PCDHGA1: variants seen among roughly 807,000 people sequenced by gnomAD.
The protein encoded by PCDHGA1 is protocadherin gamma-A1.
PCDHGA1 carries 32 observed loss-of-function variants against 58.0 expected under a neutral mutation model. The ratio of observed to expected loss-of-function variants is 0.55; its 90% CI spans 0.42 to 0.74. The LOEUF is 0.74. Among genes scored for constraint, PCDHGA1 ranks in the 30% least tolerant of loss-of-function variants. PCDHGA1 has a pLI of 0.00. For synonymous variants in PCDHGA1, 498 were observed against 501.1 expected (o/e 0.99, Z 0.08); for missense variants, 1,205 against 1,182.3 (o/e 1.02, Z -0.28).
intron 1 of PCDHGA1, chr5:141,394,133 G>T: frequency 6.2e-7 from 1 of 1,613,920 alleles, no homozygotes; most frequent in Non-Finnish European, 8.5e-7. Flanking sequence ...AAATCGCTCT[G>T]CACGTGGCAG....
In PCDHGA1 at chr5:141,489,684, T is replaced by C. The variant is rs2099690710; in HGVS notation, c.2422-5123T>C. 1.2e-6 allele frequency: 2 copies of C among 1,614,062 alleles called. No individual in the cohort carries two copies. The highest frequency in any genetic ancestry group is 8.5e-7 in the Non-Finnish European group (1 of 1,180,034). On this transcript the variant is annotated intron_variant, in intron 1 of 3. Coordinates refer to ENST00000517417, the MANE Select transcript of PCDHGA1 (RefSeq NM_018912.3). This position sits in a 1 kb window ranked among gnomAD's most constrained non-coding sequence, Gnocchi z 4.5. ...TGCGCATCTCAGAATCAGCAGCATCTGGGGCACGATTCCCACTGGACAGTG... is the reference window on the plus strand; with the variant it reads ...TGCGCATCTCAGAATCAGCAGCATCCGGGGCACGATTCCCACTGGACAGTG...
Position 141,360,974 on chromosome 5 carries a change from C to G in PCDHGA1, c.2421+27869C>G, listed in dbSNP as rs578154507. On this transcript the variant is annotated intron_variant, in intron 1 of 3. Transcript: ENST00000517417. The stretch of plus-strand genomic sequence containing the variant: ...GGCATAAACGCAGAGATCACCTACT[C>G]CTTTCATAATGTGGACGAACAAGTG... The G allele has an allele frequency of 2.5e-6, 4 of 1,613,822 alleles. No individual in the cohort carries two copies. The South Asian group carries it at 4.4e-5, about 18-fold the overall frequency.
chr5:141,503,222 G>C (rs540244346), intron 2 of PCDHGA1, among the ~76,000 whole-genome samples: 1 of 152,120 alleles, frequency 6.6e-6, no homozygotes, highest in Middle Eastern at 3.4e-3. Context: ...CATGAGCACC[G>C]TAAAGATGGA....
In PCDHGA1 at chr5:141,485,818, C is replaced by T; in HGVS notation, c.2422-8989C>T. 6 of 1,613,912 alleles carry T rather than the reference C, an allele frequency of 3.7e-6. No homozygotes were observed. The highest frequency in any genetic ancestry group is 5.1e-6 in the Non-Finnish European group (6 of 1,179,974). On this transcript the variant is annotated intron_variant, in intron 1 of 3. Transcript: ENST00000517417. This position sits in a 1 kb window ranked among gnomAD's most constrained non-coding sequence, Gnocchi z 5.7. ...ACTACCGCCTGGTGCTGACTGCTGTCGATGGAGGGAACCCGCCGAGATCTG... is the reference window on the plus strand; with the variant it reads ...ACTACCGCCTGGTGCTGACTGCTGTTGATGGAGGGAACCCGCCGAGATCTG...
chr5:141,487,013 C>T lies in PCDHGA1; in HGVS notation c.2422-7794C>T. ...GGTTTCCTATCAGCTCCTGGAGGCC[C>T]CAGATCCCAGCCTGTTTGCAGTCTC... On this transcript the variant is annotated intron_variant, in intron 1 of 3. Coordinates refer to ENST00000517417, the MANE Select transcript of PCDHGA1 (RefSeq NM_018912.3). The surrounding 1 kb of genome is among the most constrained non-coding windows in gnomAD (Gnocchi z 5.0). The T allele has an allele frequency of 1.2e-6, 2 of 1,614,220 alleles. No individual in the cohort carries two copies. Among genetic ancestry groups the T allele is most frequent in the Non-Finnish European group, 1.7e-6 (2 of 1,180,040 alleles).
chr5:141,342,516 G>A (rs1275963047), intron 1 of PCDHGA1: 1 of 152,274 alleles, frequency 6.6e-6, no homozygotes, highest in Non-Finnish European at 1.5e-5. Context: ...TCAAAGTGCT[G>A]TGATTCTTTC....
In PCDHGA1 at chr5:141,361,700, A is replaced by C; in HGVS notation, c.2421+28595A>C. The C allele has an allele frequency of 3.1e-6, 5 of 1,613,456 alleles. No individual in the cohort carries two copies. Among genetic ancestry groups the C allele is most frequent in the Non-Finnish European group, 4.2e-6 (5 of 1,179,872 alleles). On this transcript the variant is annotated intron_variant, in intron 1 of 3. Transcript: ENST00000517417. ...GTGTTCGCGCAGCGCGCCTTCGATCATGAGCAGCTGCGCGCCTTCGAGCTC... is the reference window on the plus strand; with the variant it reads ...GTGTTCGCGCAGCGCGCCTTCGATCCTGAGCAGCTGCGCGCCTTCGAGCTC...
intron 1 of PCDHGA1, chr5:141,375,655 G>T: frequency 6.2e-7 from 1 of 1,614,246 alleles, no homozygotes; most frequent in Non-Finnish European, 8.5e-7. Flanking sequence ...ACTATGAGCA[G>T]TTGAGAGACC....
At chr5:141,449,500 A>G (rs1034917703) in intron 1 of PCDHGA1, among the ~76,000 whole-genome samples, 6 of 151,300 alleles carry the variant, frequency 4.0e-5, no homozygotes, top group African/African-American at 1.5e-4. Flanking sequence ...GAGGCATGAG[A>G]AATGCTTGAA....
At chr5:141,376,175 G>A (rs551078264) in intron 1 of PCDHGA1, 5 of 1,614,148 alleles carry the variant, frequency 3.1e-6, no homozygotes, top group African/African-American at 1.3e-5. Flanking sequence ...GGTGGCGGTG[G>A]CCGCGGTCTC....
chr5:141,463,438 CTTTTTTTTTTTT>C (rs71576115), intron 1 of PCDHGA1, among the ~76,000 whole-genome samples: 6 of 103,254 alleles, frequency 5.8e-5, no homozygotes, highest in Admixed American at 3.1e-4. Flanking sequence ...TTTCCTTCTC[CTTTTTTTTTTTT>C]TTTTTTTTTT....
At chr5:141,378,646 T>C (rs1429624109) in intron 1 of PCDHGA1, 2 of 152,184 alleles carry the variant, frequency 1.3e-5, no homozygotes. Flanking sequence ...GGAGAACAAA[T>C]GTTAATGAGG....
rs1413288410 is a variant in PCDHGA1 at position 141,392,726 on chromosome 5, T to C, written c.2421+59621T>C. On this transcript the variant is annotated intron_variant, in intron 1 of 3. Transcript: ENST00000517417. The stretch of plus-strand genomic sequence containing the variant: ...GGAGGCACTCCAGGTTTCCGGAGGA[T>C]TGTCATCTCCATAGCTGCGGCAAGA... 4.3e-6 allele frequency: 6 copies of C among 1,399,264 alleles called. No individual in the cohort carries two copies. The African/African-American group carries it at 8.7e-5, about 20-fold the overall frequency. 86.7% of individuals were successfully genotyped at this position (1,399,264 alleles called of 1,614,324 possible).
chr5:141,420,080 C>G, intron 1 of PCDHGA1: 2 of 1,614,010 alleles, frequency 1.2e-6, no homozygotes, highest in African/African-American at 1.3e-5. Flanking sequence ...TGTGGGTCCC[C>G]CCAACTACAG....
Position 141,368,188 on chromosome 5 carries a change from G to A in PCDHGA1, c.2421+35083G>A, listed in dbSNP as rs528865842. Among the ~76,000 whole-genome samples the A allele has an allele frequency of 2.2e-4, 33 of 152,098 alleles. 1 individual carries two copies. In the South Asian group the frequency reaches 5.6e-3, roughly 26 times the overall value. Reference sequence around the variant, plus strand: ...CAGCTTCAAATAATGACTAAATAAGGGGAAAAGGTAATAAAATATTACAAA... The same window carrying A: ...CAGCTTCAAATAATGACTAAATAAGAGGAAAAGGTAATAAAATATTACAAA... On this transcript the variant is annotated intron_variant, in intron 1 of 3. Coordinates refer to ENST00000517417, the MANE Select transcript of PCDHGA1 (RefSeq NM_018912.3).
At position 141,366,076 on chromosome 5, in the gene PCDHGA1, A is replaced by G. The variant is rs774100476; in HGVS notation, c.2421+32971A>G. The G allele has an allele frequency of 7.4e-6, 12 of 1,614,128 alleles. No individual in the cohort carries two copies. In the East Asian group the frequency reaches 2.2e-4, roughly 30 times the overall value. The stretch of plus-strand genomic sequence containing the variant: ...GCGTGGAGCTGGCGCCTCGCTCCGC[A>G]GAACCTGGCTACCTGGTGACCAAGG... On this transcript the variant is annotated intron_variant, in intron 1 of 3. Coordinates refer to ENST00000517417, the MANE Select transcript of PCDHGA1 (RefSeq NM_018912.3).
At chr5:141,409,471 AG>A in intron 1 of PCDHGA1, 1 of 1,613,978 alleles carries the variant, frequency 6.2e-7, no homozygotes, top group Non-Finnish European at 8.5e-7. Flanking sequence ...TCACCATCGT[AG>A]CCACTGACAG....
intron 1 of PCDHGA1, chr5:141,421,951 A>G: frequency 6.2e-7 from 1 of 1,612,854 alleles, no homozygotes; most frequent in Non-Finnish European, 8.5e-7. Flanking sequence ...TCACATCCCA[A>G]TGTTTACACA....
At chr5:141,364,599 T>C in intron 1 of PCDHGA1, 4 of 1,614,178 alleles carry the variant, frequency 2.5e-6, no homozygotes, top group South Asian at 1.1e-5. Context: ...GCGGGCAGGA[T>C]AGACCGGGAG....
Sources: allele counts gnomAD v4.1 joint callset (sites outside exome capture counted in the v4.1 genomes callset), GRCh38; gene constraint gnomAD v4.1.1; non-coding constraint Gnocchi (gnomAD v3.1); transcripts MANE v1.5; gene names NCBI Gene and HGNC (gene_info 2026-07-23, HGNC 2026-07-21).